The following CDC123 variants were observed in gnomAD, a reference collection of about 807,000 sequenced individuals.
CDC123 encodes the protein translation initiation factor eIF2 assembly protein.
Under a neutral mutation model 54.4 loss-of-function variants are expected in CDC123, and 37 were observed. The observed-to-expected ratio is 0.68, with a 90% CI of 0.52 to 0.89. The LOEUF (loss-of-function observed/expected upper bound fraction) is 0.89. CDC123 is among the 40% of genes least tolerant of loss of function. The pLI is 0.00. For synonymous variants in CDC123, 144 were observed against 136.8 expected, an observed-to-expected ratio of 1.05 and a Z score of -0.37; for missense variants, 361 against 412.1, an observed-to-expected ratio of 0.88 and a Z score of 1.07.
chr10:12,249,827 T>G, intron 12 of CDC123, 109 bp downstream of exon 12: 2 of 1,382,844 alleles, frequency 1.4e-6, no homozygotes, highest in South Asian at 3.3e-5. Flanking sequence ...CTTTGATGGT[T>G]ATGAATGGAA....
chr10:12,231,117 ACTG>A, intron 7 of CDC123, 121 bp downstream of exon 7: 1 of 834,452 alleles, frequency 1.2e-6, no homozygotes, highest in Non-Finnish European at 1.9e-6. Context: ...ACCTAAAGCC[ACTG>A]AAATTTTAAA....
chr10:12,214,330 G>A (rs981725987), intron 4 of CDC123, among the ~76,000 whole-genome samples: 7 of 152,208 alleles, frequency 4.6e-5, no homozygotes, highest in Non-Finnish European at 8.8e-5. Context: ...GAGCGGTAGG[G>A]GAGCCAAGTC....
chr10:12,231,065 G>A (rs1426867796), intron 7 of CDC123, 69 bp downstream of exon 7: 1 of 1,357,968 alleles, frequency 7.4e-7, no homozygotes, highest in Non-Finnish European at 1.0e-6. Context: ...ATTCTTAAGT[G>A]AAATGAAATG....
chr10:12,205,914 T>A (rs1175956272), intron 2 of CDC123, among the ~76,000 whole-genome samples: 1 of 152,056 alleles, frequency 6.6e-6, no homozygotes, highest in Non-Finnish European at 1.5e-5. Flanking sequence ...TTCCCTTGCC[T>A]CAGCCTCCTG....
At chr10:12,230,166 C>T (rs76824795) in intron 6 of CDC123, among the ~76,000 whole-genome samples, 6,823 of 150,756 alleles carry the variant, frequency 0.045, 484 homozygotes, top group African/African-American at 0.15. Context: ...TATATTCATG[C>T]GGTACATAAG....
chr10:12,250,251 C>T, intron 12 of CDC123, 60 bp from the exon 13 acceptor site: 1 of 1,068,018 alleles, frequency 9.4e-7, no homozygotes, highest in Non-Finnish European at 1.4e-6. Flanking sequence ...ATTACACCTG[C>T]TGAGCAGATA....
intron 10 of CDC123, among the ~76,000 whole-genome samples, chr10:12,241,098 T>G (rs1204589129): frequency 6.6e-6 from 1 of 152,194 alleles, no homozygotes; most frequent in Non-Finnish European, 1.5e-5. Context: ...GGTTACACTC[T>G]TCAGGGTTTT....
In CDC123 at chr10:12,246,211, C is replaced by T; in HGVS notation, c.780C>T (p.Thr260=). 6.2e-7 allele frequency: 1 copy of T among 1,614,090 alleles called. No individual in the cohort carries two copies. The highest frequency in any genetic ancestry group is 8.5e-7 in the Non-Finnish European group (1 of 1,179,978). Residue 260 remains threonine, a synonymous_variant, in exon 11 of 13, where the codon ACC becomes ACT. Coordinates refer to ENST00000281141, the MANE Select transcript of CDC123 (RefSeq NM_006023.3). ...AAGTCACAGATTCACTGCTGTTCAC[C>T]TGGGAAGAACTGATATCTGAGAACA... is the stretch of plus-strand genomic sequence containing the variant. ...FGEVTDSLLF[T]WEELISENNL...
chr10:12,240,759 C>T (rs1836046981), intron 10 of CDC123, among the ~76,000 whole-genome samples: 1 of 116,614 alleles, frequency 8.6e-6, no homozygotes, highest in Non-Finnish European at 2.1e-5. Context: ...GCCCCAGCTA[C>T]TCCCGGGAGC....
chr10:12,206,659 A>G (rs1226457486), intron 2 of CDC123, among the ~76,000 whole-genome samples: 1 of 152,180 alleles, frequency 6.6e-6, no homozygotes, highest in Non-Finnish European at 1.5e-5. Context: ...TAAAAATACA[A>G]AAATTATCTG....
At chr10:12,249,001 C>T (rs1461203404) in intron 11 of CDC123, among the ~76,000 whole-genome samples, 2 of 151,858 alleles carry the variant, frequency 1.3e-5, no homozygotes, top group African/African-American at 4.8e-5. Context: ...GTCCCAGCTA[C>T]TTGGGAAGCT....
chr10:12,199,816 A>T (rs11257593), intron 2 of CDC123, among the ~76,000 whole-genome samples: 7 of 151,660 alleles, frequency 4.6e-5, no homozygotes, highest in Non-Finnish European at 1.0e-4. Context: ...TACAGATATA[A>T]TTTTTTTTGT....
chr10:12,237,835 A>G (rs1487531961), intron 9 of CDC123, among the ~76,000 whole-genome samples: 1 of 152,234 alleles, frequency 6.6e-6, no homozygotes. Context: ...GGCTATCTAC[A>G]GAGAACAAAG....
At chr10:12,226,485 T>C (rs1835816923) in intron 6 of CDC123, among the ~76,000 whole-genome samples, 1 of 150,084 alleles carries the variant, frequency 6.7e-6, no homozygotes, top group African/African-American at 2.5e-5. Flanking sequence ...GCGGAGGGGC[T>C]CCTCACTTCT....
At chr10:12,226,484 C>A (rs1000740765) in intron 6 of CDC123, among the ~76,000 whole-genome samples, 10 of 151,730 alleles carry the variant, frequency 6.6e-5, no homozygotes, top group Non-Finnish European at 1.5e-4. Flanking sequence ...GGCGGAGGGG[C>A]TCCTCACTTC....
At chr10:12,212,535 A>G (rs1835616776) in intron 4 of CDC123, among the ~76,000 whole-genome samples, 1 of 152,198 alleles carries the variant, frequency 6.6e-6, no homozygotes, top group Non-Finnish European at 1.5e-5. Flanking sequence ...ACTGACTATC[A>G]CTGTGTTGCC....
Position 12,196,194 on chromosome 10 carries a change from C to A in CDC123, c.-52C>A. On this transcript the variant is annotated 5_prime_UTR_variant, in exon 1 of 13. Transcript: ENST00000281141. ...ACTTCCGGGGCCGGCGCCCAGAGTT[C>A]CGGGAGGGTGCAGGCAGGAGAGGGA... The A allele has an allele frequency of 6.2e-7, 1 of 1,612,854 alleles. No homozygotes were observed. Among genetic ancestry groups the A allele is most frequent in the South Asian group, 1.1e-5 (1 of 91,030 alleles).
At chr10:12,250,169 C>A in intron 12 of CDC123, 142 bp from the exon 13 acceptor site, 1 of 524,756 alleles carries the variant, frequency 1.9e-6, no homozygotes, top group Non-Finnish European at 3.4e-6. Flanking sequence ...AAGTGATAAA[C>A]TAGTTTAATG....
chr10:12,240,046 T>A (rs1285595593), intron 10 of CDC123, among the ~76,000 whole-genome samples: 1 of 151,794 alleles, frequency 6.6e-6, no homozygotes, highest in Non-Finnish European at 1.5e-5. Context: ...TTATTTTTAG[T>A]CAACTAAAAG....
Sources: gnomAD v4.1 joint callset for allele counts (sites outside exome capture counted in the v4.1 genomes callset) on GRCh38, gnomAD v4.1.1 for gene constraint, MANE v1.5 for transcripts, NCBI Gene and HGNC (gene_info 2026-07-23, HGNC 2026-07-21) for gene names.